GTF2A1: variants seen among roughly 807,000 people sequenced by gnomAD.
GTF2A1 encodes transcription initiation factor IIA subunit 1.
In GTF2A1, 12 loss-of-function variants were observed where a neutral mutation model predicts 54.1. The ratio of observed to expected loss-of-function variants is 0.22; its 90% confidence interval spans 0.14 to 0.36. The LOEUF (loss-of-function observed/expected upper bound fraction) is 0.36, where lower values mean the gene tolerates loss of function less well. Ranked by LOEUF, GTF2A1 falls within the 10% of genes least tolerant of loss-of-function variation. The pLI is 1.00. For missense variants in GTF2A1, 335 were observed against 442.2 expected, an observed-to-expected ratio of 0.76 and a Z score of 2.17; for synonymous variants, 145 against 152.0, an observed-to-expected ratio of 0.95 and a Z score of 0.34.
At chr14:81,220,407 G>T (rs1893602986) in intron 1 of GTF2A1, 82 bp downstream of exon 1, 2 of 964,390 alleles carry the variant, frequency 2.1e-6, no homozygotes, top group Non-Finnish European at 3.0e-6. Flanking sequence ...GCCGGGAGTC[G>T]CCGCCGTCCC....
rs116289033 is a variant in GTF2A1, at chr14:81,212,680, A to G, written c.132+3733T>C. 4.7e-3 allele frequency among the ~76,000 whole-genome samples: 714 copies of G among 152,346 alleles called. 9 individuals are homozygous for G. The highest frequency in any genetic ancestry group is 0.014 in the Middle Eastern group (4 of 294). On this transcript the variant is annotated intron_variant, in intron 2 of 8. Coordinates refer to ENST00000553612, the MANE Select transcript of GTF2A1 (RefSeq NM_015859.4). ...GCTAATGACAGGCTTTCTAAACCAT[A>G]AAATATGAAATTAAAGTTCGTTTTA...
intron 2 of GTF2A1, among the ~76,000 whole-genome samples, chr14:81,215,370 C>T (rs937887772): frequency 2.0e-5 from 3 of 152,162 alleles, no homozygotes; most frequent in Non-Finnish European, 2.9e-5. Context: ...GAAAGAATGA[C>T]GGGCAAACTA....
intron 6 of GTF2A1, among the ~76,000 whole-genome samples, chr14:81,195,640 A>AG (rs1289392667): frequency 6.6e-6 from 1 of 151,070 alleles, no homozygotes; most frequent in Non-Finnish European, 1.5e-5. Context: ...TCGAAAAAAA[A>AG]AAAAAAAAGA....
In GTF2A1 at chr14:81,209,020, G is replaced by C. The variant is rs139214747; in HGVS notation, c.133-4916C>G. On this transcript the variant is annotated intron_variant, in intron 2 of 8. Coordinates refer to ENST00000553612, the MANE Select transcript of GTF2A1 (RefSeq NM_015859.4). ...CTGTGGACATTTGTGTTAATGCTGA[G>C]ATGAGTTAAGACTTTGGGGGACTGC... Among the ~76,000 whole-genome samples the C allele has an allele frequency of 7.3e-3, 1,110 of 152,292 alleles. 12 individuals are homozygous for C. The highest frequency in any genetic ancestry group is 0.025 in the African/African-American group (1,040 of 41,550).
At chr14:81,201,482 G>A (rs1893109706) in intron 4 of GTF2A1, 112 bp downstream of exon 4, 3 of 581,488 alleles carry the variant, frequency 5.2e-6, no homozygotes, top group Non-Finnish European at 9.2e-6. Flanking sequence ...CAGCTGTTTT[G>A]CTTGAGTCTT....
intron 2 of GTF2A1, among the ~76,000 whole-genome samples, chr14:81,204,788 G>C (rs1228524455): frequency 6.6e-6 from 1 of 152,140 alleles, no homozygotes; most frequent in Non-Finnish European, 1.5e-5. Context: ...TAGGTTCTAT[G>C]ATGGGAAAAA....
At chr14:81,218,700 A>C (rs1893540275) in intron 1 of GTF2A1, among the ~76,000 whole-genome samples, 1 of 151,998 alleles carries the variant, frequency 6.6e-6, no homozygotes, top group African/African-American at 2.4e-5. Context: ...TTCCTTCAAA[A>C]ATGTTAATTC....
intron 2 of GTF2A1, among the ~76,000 whole-genome samples, chr14:81,215,773 C>T (rs1309129090): frequency 1.3e-5 from 2 of 152,176 alleles, no homozygotes; most frequent in African/African-American, 4.8e-5. Context: ...CTGTGGCTCA[C>T]ACCCATAATC....
At chr14:81,199,888 T>C (rs1893066591) in intron 4 of GTF2A1, among the ~76,000 whole-genome samples, 1 of 152,132 alleles carries the variant, frequency 6.6e-6, no homozygotes, top group Non-Finnish European at 1.5e-5. Flanking sequence ...TAATGTGAGT[T>C]ATTCCCTAGG....
intron 3 of GTF2A1, chr14:81,202,905 G>T: frequency 2.4e-6 from 1 of 411,494 alleles, no homozygotes; most frequent in Non-Finnish European, 4.7e-6. Flanking sequence ...AGTACCACTA[G>T]ATATCAACAG....
At chr14:81,196,585 G>T (rs1027145277) in intron 5 of GTF2A1, among the ~76,000 whole-genome samples, 5 of 152,124 alleles carry the variant, frequency 3.3e-5, no homozygotes, top group African/African-American at 1.2e-4. Flanking sequence ...CAGACACTTC[G>T]GGAGCTGTTC....
intron 1 of GTF2A1, among the ~76,000 whole-genome samples, chr14:81,218,183 TG>T (rs1202790771): frequency 2.0e-5 from 3 of 152,134 alleles, no homozygotes; most frequent in Non-Finnish European, 4.4e-5. Context: ...ATTGACAATA[TG>T]TATGCTTTTC....
chr14:81,204,780 G>C (rs1326481649), intron 2 of GTF2A1, among the ~76,000 whole-genome samples: 1 of 152,030 alleles, frequency 6.6e-6, no homozygotes, highest in Non-Finnish European at 1.5e-5. Context: ...TTTCACCTTA[G>C]GTTCTATGAT....
In GTF2A1 at chr14:81,220,834, C is replaced by T; in HGVS notation, c.-316G>A. 3.3e-6 allele frequency: 1 copy of T among 304,476 alleles called. No individual in the cohort carries two copies. Among genetic ancestry groups the T allele is most frequent in the East Asian group, 5.3e-5 (1 of 19,042 alleles). 18.9% of individuals were successfully genotyped at this position (304,476 alleles called of 1,614,324 possible). On this transcript the variant is annotated 5_prime_UTR_variant, in exon 1 of 9. Transcript: ENST00000553612. ...AGGGAAACCACCACCGGTCACCGCT[C>T]CCTGCGCCGCCGCTGCCGCCACCGG...
chr14:81,215,186 A>G (rs548808157), intron 2 of GTF2A1, among the ~76,000 whole-genome samples: 1 of 152,304 alleles, frequency 6.6e-6, no homozygotes, highest in South Asian at 2.1e-4. Context: ...AAACAATCAA[A>G]TTTCTTAATA....
intron 8 of GTF2A1, among the ~76,000 whole-genome samples, chr14:81,185,271 CAA>C (rs956955967): frequency 2.0e-5 from 3 of 152,170 alleles, no homozygotes; most frequent in African/African-American, 7.2e-5. Context: ...CTTACAAGTT[CAA>C]AGACTGTCTA....
In GTF2A1 at chr14:81,179,549, T is replaced by C. The variant is rs1031341079; in HGVS notation, c.*674A>G. ...GACCCAAGTCTTTAATTACATTTAA[T>C]AAGTATGAAAACCTAATTAAAATAA... On this transcript the variant is annotated 3_prime_UTR_variant, in exon 9 of 9. Transcript: ENST00000553612. The C allele has an allele frequency of 6.6e-6, 1 of 152,228 alleles. No individual in the cohort carries two copies. Among genetic ancestry groups the C allele is most frequent in the Non-Finnish European group, 1.5e-5 (1 of 68,048 alleles). 9.4% of individuals were successfully genotyped at this position (152,228 alleles called of 1,614,324 possible).
intron 2 of GTF2A1, among the ~76,000 whole-genome samples, chr14:81,211,325 G>A (rs932803716): frequency 6.6e-6 from 1 of 152,056 alleles, no homozygotes; most frequent in African/African-American, 2.4e-5. Flanking sequence ...GCAGGTCACC[G>A]ACCATCAAAA....
rs745694517 is a variant in GTF2A1 at position 81,196,104 on chromosome 14, T to C, written c.612+4A>G. 10 of 1,613,022 alleles carry C rather than the reference T, an allele frequency of 6.2e-6. No homozygotes were observed. The South Asian group carries it at 8.8e-5, about 14-fold the overall frequency. On this transcript the variant is annotated splice_donor_region_variant and intron_variant, in intron 6 of 8. Coordinates refer to ENST00000553612, the MANE Select transcript of GTF2A1 (RefSeq NM_015859.4). The stretch of plus-strand genomic sequence containing the variant: ...ATACTGATCATAATAGAAGATTATT[T>C]TACCTGCTGTATAACAGGAGCTTGT...
Sources: gnomAD v4.1 joint callset for allele counts (sites outside exome capture counted in the v4.1 genomes callset) on GRCh38, gnomAD v4.1.1 for gene constraint, MANE v1.5 for transcripts, NCBI Gene and HGNC (gene_info 2026-07-23, HGNC 2026-07-21) for gene names.